PRKCH: variants seen among roughly 807,000 people sequenced by gnomAD.
PRKCH encodes protein kinase C eta type.
A neutral mutation model predicts 82.5 loss-of-function variants in PRKCH; 28 were observed. That is an observed-to-expected ratio of 0.34 (90% confidence interval 0.25 to 0.47). PRKCH has a LOEUF of 0.47. Among genes scored for constraint, PRKCH ranks in the 20% least tolerant of loss-of-function variants. PRKCH has a pLI of 1.00. For missense variants in PRKCH, 705 were observed against 881.8 expected (o/e 0.80, Z 2.54); for synonymous variants, 322 against 327.4 (o/e 0.98, Z 0.18).
chr14:61,497,153 G>A (rs1336025363), intron 10 of PRKCH, among the ~76,000 whole-genome samples: 4 of 152,130 alleles, frequency 2.6e-5, no homozygotes, highest in Admixed American at 1.3e-4. Context: ...ACAAATTAAC[G>A]ACTTTTAGAG....
At chr14:61,489,996 G>A in intron 10 of PRKCH, among the ~76,000 whole-genome samples, 1 of 152,182 alleles carries the variant, frequency 6.6e-6, no homozygotes, top group Admixed American at 6.5e-5. Context: ...GTTTATAGAA[G>A]GGCACAGTTT....
intron 1 of PRKCH, chr14:61,279,703 T>G: frequency 5.2e-6 from 1 of 193,238 alleles, no homozygotes. Context: ...GACTCAAGAT[T>G]CAGGAGTCAC....
intron 1 of PRKCH, among the ~76,000 whole-genome samples, chr14:61,311,631 G>C (rs570938183): frequency 6.6e-6 from 1 of 152,306 alleles, no homozygotes; most frequent in Non-Finnish European, 1.5e-5. Flanking sequence ...CCAATTTACT[G>C]TATTAGTCTG....
chr14:61,427,014 T>C (rs1888537958), intron 2 of PRKCH, among the ~76,000 whole-genome samples: 1 of 152,196 alleles, frequency 6.6e-6, no homozygotes, highest in South Asian at 2.1e-4. Flanking sequence ...AGGCACAGTC[T>C]CAAGAGATCC....
chr14:61,439,879 A>G (rs1312590854), intron 2 of PRKCH, among the ~76,000 whole-genome samples: 1 of 152,224 alleles, frequency 6.6e-6, no homozygotes, highest in African/African-American at 2.4e-5. Context: ...TCAACTGGAA[A>G]ATTGCAGTGG....
At chr14:61,548,858 T>G (rs972697564) in intron 13 of PRKCH, among the ~76,000 whole-genome samples, 4 of 62,784 alleles carry the variant, frequency 6.4e-5, no homozygotes, top group Non-Finnish European at 1.0e-4. Flanking sequence ...TTAGACTTTG[T>G]CTCAAAAAAA....
intron 2 of PRKCH, among the ~76,000 whole-genome samples, chr14:61,423,179 A>AC (rs1479192827): frequency 2.0e-5 from 3 of 152,216 alleles, no homozygotes; most frequent in African/African-American, 7.2e-5. Context: ...GTCCCACTGA[A>AC]CCACAGTATC....
chr14:61,456,958 T>G, intron 7 of PRKCH: 1 of 502,348 alleles, frequency 2.0e-6, no homozygotes, highest in Non-Finnish European at 3.5e-6. Context: ...TTAGACGTAT[T>G]TTTAATTGAC....
At chr14:61,342,154 CTG>C (rs1362520605) in intron 1 of PRKCH, among the ~76,000 whole-genome samples, 2 of 152,074 alleles carry the variant, frequency 1.3e-5, no homozygotes, top group Non-Finnish European at 2.9e-5. Flanking sequence ...GTGGCCAACT[CTG>C]TGTTCTGAAC....
At chr14:61,535,522 G>A (rs1379434095) in intron 12 of PRKCH, among the ~76,000 whole-genome samples, 2 of 152,212 alleles carry the variant, frequency 1.3e-5, no homozygotes, top group Non-Finnish European at 2.9e-5. Context: ...GTCCATTTGA[G>A]TAGCTCAATG....
chr14:61,502,946 T>C (rs549193548), intron 10 of PRKCH, among the ~76,000 whole-genome samples: 11 of 150,786 alleles, frequency 7.3e-5, no homozygotes, highest in South Asian at 4.2e-4. Context: ...GATGTGTGGC[T>C]CTTGGGTTGG....
Position 61,489,310 on chromosome 14 carries a change from G to T in PRKCH, c.1433+3654G>T, listed in dbSNP as rs116648881. Among the ~76,000 whole-genome samples the T allele has an allele frequency of 8.7e-3, 1,331 of 152,256 alleles. 21 individuals carry two copies. Among genetic ancestry groups the T allele is most frequent in the African/African-American group, 0.03 (1,249 of 41,524 alleles). On this transcript the variant is annotated intron_variant, in intron 10 of 13. Transcript: ENST00000332981. ...TTCTTTGAGGGAGGGGAGGGAGAGA[G>T]GTGTTTATTTTCCAGCAGGTTACAA...
intron 1 of PRKCH, among the ~76,000 whole-genome samples, chr14:61,198,169 T>C (rs1263698431): frequency 7.0e-5 from 5 of 71,748 alleles, no homozygotes; most frequent in African/African-American, 3.1e-4. Context: ...TGTATTTAAG[T>C]GTATTTAAGG....
At chr14:61,424,407 A>G (rs983287116) in intron 2 of PRKCH, among the ~76,000 whole-genome samples, 4 of 152,238 alleles carry the variant, frequency 2.6e-5, no homozygotes, top group African/African-American at 4.8e-5. Flanking sequence ...AAATGCTGAT[A>G]GCGACATGGA....
chr14:61,216,358 A>C (rs1594856832), intron 1 of PRKCH, among the ~76,000 whole-genome samples: 1 of 151,954 alleles, frequency 6.6e-6, no homozygotes, highest in South Asian at 2.1e-4. Flanking sequence ...CCAGCTACTC[A>C]GGAGGCTGAG....
At chr14:61,283,638 G>A (rs1484955934) in intron 1 of PRKCH, among the ~76,000 whole-genome samples, 1 of 152,152 alleles carries the variant, frequency 6.6e-6, no homozygotes, top group African/African-American at 2.4e-5. Flanking sequence ...CTTGAGCCCA[G>A]CAGTTTGAGA....
intron 10 of PRKCH, among the ~76,000 whole-genome samples, chr14:61,494,968 T>G (rs1459875864): frequency 1.3e-5 from 2 of 152,264 alleles, no homozygotes; most frequent in Non-Finnish European, 2.9e-5. Flanking sequence ...TCCTAGGGCA[T>G]ATGTGACAGG....
At chr14:61,507,449 A>T (rs1887197986) in intron 10 of PRKCH, among the ~76,000 whole-genome samples, 1 of 152,190 alleles carries the variant, frequency 6.6e-6, no homozygotes, top group Non-Finnish European at 1.5e-5. Context: ...AACCAAAGGA[A>T]TTGGAATCTG....
chr14:61,209,529 G>C (rs1450740917), intron 1 of PRKCH, among the ~76,000 whole-genome samples: 1 of 151,884 alleles, frequency 6.6e-6, no homozygotes, highest in Non-Finnish European at 1.5e-5. Flanking sequence ...GCAATGAGTA[G>C]GGACAAGCCT....
Sources: gnomAD v4.1 joint callset for allele counts (sites outside exome capture counted in the v4.1 genomes callset) on GRCh38, gnomAD v4.1.1 for gene constraint, MANE v1.5 for transcripts, NCBI Gene and HGNC (gene_info 2026-07-23, HGNC 2026-07-21) for gene names.